Variants in TMEM165 observed in about 807,000 individuals in gnomAD.
TMEM165 encodes the protein transmembrane protein 165.
TMEM165 carries 19 observed loss-of-function variants against 30.0 expected under a neutral mutation model. The observed-to-expected ratio is 0.63, with a 90% CI of 0.44 to 0.93. The LOEUF is 0.93. Among genes scored for constraint, TMEM165 ranks in the 40% least tolerant of loss-of-function variants. The probability of loss-of-function intolerance (pLI) is 0.00; values close to 1 mark genes in which losing one functional copy is unlikely to be tolerated. For missense variants in TMEM165, 340 were observed against 417.0 expected (o/e 0.82, Z 1.61); for synonymous variants, 168 against 162.9 (o/e 1.03, Z -0.24).
At chr4:55,399,582 A>AG (rs905511635) in intron 1 of TMEM165, among the ~76,000 whole-genome samples, 5 of 152,202 alleles carry the variant, frequency 3.3e-5, no homozygotes, top group African/African-American at 1.2e-4. Flanking sequence ...GGAATTTTTA[A>AG]GATAGAAATG....
Position 55,417,338 on chromosome 4 carries a change from A to G in TMEM165, c.609+91A>G, listed in dbSNP as rs1721777432. On this transcript the variant is annotated intron_variant, in intron 3 of 5. Transcript: ENST00000381334. Reference sequence around the variant, plus strand: ...GTTTCTCAGTGGCCCCATCTGTGTGATATGCGGGGCTACACAAAAATAGCT... The same window carrying G: ...GTTTCTCAGTGGCCCCATCTGTGTGGTATGCGGGGCTACACAAAAATAGCT... The G allele has an allele frequency of 4.7e-6, 6 of 1,283,612 alleles. No individual in the cohort carries two copies. In the Admixed American group the frequency reaches 7.3e-5, roughly 16 times the overall value. The allele number at this position is 1,283,612 out of a possible 1,614,324, so 79.5% of individuals were successfully genotyped here.
intron 1 of TMEM165, among the ~76,000 whole-genome samples, chr4:55,400,636 A>G (rs550172809): frequency 2.0e-5 from 3 of 148,576 alleles, no homozygotes; most frequent in Admixed American, 6.7e-5. Context: ...ACGAGGTTTT[A>G]CCGTGTTAGC....
At chr4:55,402,277 AG>A (rs1721030278) in intron 1 of TMEM165, among the ~76,000 whole-genome samples, 1 of 146,442 alleles carries the variant, frequency 6.8e-6, no homozygotes, top group Admixed American at 6.7e-5. Context: ...GTAACAATAA[AG>A]TATTTAAAAA....
chr4:55,399,332 T>C (rs1720858067), intron 1 of TMEM165: 1 of 152,286 alleles, frequency 6.6e-6, no homozygotes, highest in African/African-American at 2.4e-5. Flanking sequence ...GGTTCCCATT[T>C]ACACTGCCCT....
At chr4:55,450,328 G>T in intron 3 of TMEM165, 2 of 1,487,056 alleles carry the variant, frequency 1.3e-6, no homozygotes, top group South Asian at 1.1e-5. Flanking sequence ...ATCAGTTTTT[G>T]TCTATAACAA....
chr4:55,402,243 A>G lies in TMEM165; in HGVS notation c.207+5847A>G, dbSNP rs565709056. Among the ~76,000 whole-genome samples the G allele has an allele frequency of 6.7e-5, 9 of 134,040 alleles. No individual in the cohort carries two copies. The South Asian group carries it at 1.3e-3, about 19-fold the overall frequency. The allele number at this position is 134,040 out of a possible 152,430, so 87.9% of individuals were successfully genotyped here. ...ATAATTTTATTACAAAATATTACAT[A>G]TAAATTCTAATATAAATTAACAAGT... is the stretch of plus-strand genomic sequence containing the variant. On this transcript the variant is annotated intron_variant, in intron 1 of 5. Coordinates refer to ENST00000381334, the MANE Select transcript of TMEM165 (RefSeq NM_018475.5).
chr4:55,442,321 G>T, intron 3 of TMEM165: 1 of 874,858 alleles, frequency 1.1e-6, no homozygotes. Context: ...ATTGGCTGCA[G>T]TGAGCATCTC....
At chr4:55,418,274 C>A in intron 4 of TMEM165, 1 of 285,332 alleles carries the variant, frequency 3.5e-6, no homozygotes, top group Admixed American at 5.1e-5. Context: ...GTTTTCTTAT[C>A]ATAGAACTTT....
chr4:55,400,669 C>G (rs2109520723), intron 1 of TMEM165, among the ~76,000 whole-genome samples: 1 of 149,454 alleles, frequency 6.7e-6, no homozygotes, highest in East Asian at 2.0e-4. Flanking sequence ...ATCTCCTGAC[C>G]TGGTGATCCG....
At chr4:55,451,401 GT>G (rs1468476731) in intron 3 of TMEM165, among the ~76,000 whole-genome samples, 1 of 152,118 alleles carries the variant, frequency 6.6e-6, no homozygotes, top group African/African-American at 2.4e-5. Context: ...TTACCCCCCT[GT>G]TGTTGATTCT....
At chr4:55,421,537 A>G (rs933827887) in intron 4 of TMEM165, among the ~76,000 whole-genome samples, 6 of 152,188 alleles carry the variant, frequency 3.9e-5, no homozygotes, top group East Asian at 1.9e-4. Context: ...AGTTCATGCA[A>G]TCTGACCACC....
chr4:55,451,561 G>A (rs368730544), intron 3 of TMEM165, among the ~76,000 whole-genome samples: 1 of 152,158 alleles, frequency 6.6e-6, no homozygotes, highest in African/African-American at 2.4e-5. Flanking sequence ...AAACCCCAGG[G>A]GGATCATGAT....
rs550491911 is a variant in TMEM165 at position 55,452,761 on chromosome 4, G to A, written c.*455G>A. 7.0e-5 allele frequency: 15 copies of A among 215,262 alleles called. No homozygotes were observed. In the South Asian group the frequency reaches 1.3e-3, roughly 18 times the overall value. The allele number at this position is 215,262 out of a possible 1,614,324, so 13.3% of individuals were successfully genotyped here. ...TATTACCTACCCGATAAAAATATCT[G>A]ATGTGTAAATTATATTTCATAATTC... is the stretch of plus-strand genomic sequence containing the variant. On this transcript the variant is annotated 3_prime_UTR_variant, in exon 4 of 4. Coordinates refer to the TMEM165 transcript ENST00000608091.
intron 2 of TMEM165, chr4:55,412,797 A>G (rs1282302709): frequency 6.6e-6 from 1 of 152,120 alleles, no homozygotes; most frequent in African/African-American, 2.4e-5. Context: ...TGCATTTAAT[A>G]TCATTGAATT....
chr4:55,421,863 C>G (rs1721987180), intron 4 of TMEM165, among the ~76,000 whole-genome samples: 1 of 152,096 alleles, frequency 6.6e-6, no homozygotes, highest in South Asian at 2.1e-4. Context: ...TTTCTCCCAG[C>G]CGTTTTGTGA....
intron 5 of TMEM165, among the ~76,000 whole-genome samples, chr4:55,424,984 C>T (rs1420969351): frequency 6.6e-6 from 1 of 152,194 alleles, no homozygotes. Flanking sequence ...TGTACTGATT[C>T]TGCTGAATAT....
At chr4:55,397,809 C>G (rs1420110071) in intron 1 of TMEM165, among the ~76,000 whole-genome samples, 3 of 152,058 alleles carry the variant, frequency 2.0e-5, no homozygotes, top group Non-Finnish European at 2.9e-5. Context: ...TGCAGTGGCC[C>G]CGTCTTGGCT....
chr4:55,416,202 C>T (rs946450779), intron 2 of TMEM165: 1 of 152,048 alleles, frequency 6.6e-6, no homozygotes, highest in Non-Finnish European at 1.5e-5. Flanking sequence ...CTGTTCCTTA[C>T]ATAGTTGTTT....
At chr4:55,442,220 T>C (rs1222443481) in intron 3 of TMEM165, 2 of 560,238 alleles carry the variant, frequency 3.6e-6, no homozygotes, top group African/African-American at 3.8e-5. Flanking sequence ...TAGCATATTT[T>C]TGGACAAGAA....
Sources: allele counts gnomAD v4.1 joint callset (sites outside exome capture counted in the v4.1 genomes callset), GRCh38; gene constraint gnomAD v4.1.1; transcripts MANE v1.5; gene names NCBI Gene and HGNC (gene_info 2026-07-23, HGNC 2026-07-21).